SPATA31C2: variants seen among roughly 807,000 people sequenced by gnomAD.
SPATA31C2 encodes the protein SPATA31 subfamily C member 2, also known as spermatogenesis-associated protein 31C2.
In SPATA31C2, 5 loss-of-function variants were observed where a neutral mutation model predicts 11.4. The ratio of observed to expected loss-of-function variants is 0.44; its 90% CI spans 0.23 to 0.92. The LOEUF (loss-of-function observed/expected upper bound fraction) is 0.92. Ranked by LOEUF, SPATA31C2 falls within the 40% of genes least tolerant of loss-of-function variation. The pLI, the probability that SPATA31C2 is intolerant of heterozygous loss-of-function variation, is 0.24. For missense variants in SPATA31C2, 1,353 were observed against 1,368.6 expected, an observed-to-expected ratio of 0.99 and a Z score of 0.18; for synonymous variants, 515 against 538.7, an observed-to-expected ratio of 0.96 and a Z score of 0.61.
chr9:88,136,859 T>C (rs1587691146), intron 1 of SPATA31C2, among the ~76,000 whole-genome samples: 1 of 128,094 alleles, frequency 7.8e-6, no homozygotes, highest in East Asian at 2.5e-4. Flanking sequence ...TTCCATACAC[T>C]ACCACCCCTC....
Position 88,132,016 on chromosome 9 carries a change from G to C in SPATA31C2, c.1021C>G (p.Pro341Ala). The change falls in exon 4 of 4, where the codon CCC becomes GCC. Residue 341 changes from proline (P) to alanine (A), a missense_variant. Transcript: ENST00000324915. ...PESQPFISST[P>A]QFWPTPMAQA... ...GCCATAGGTGTGGGCCAGAATTGGG[G>C]TGTGGATGAAATAAAGGGTTGGGAC... 1 of 1,610,972 alleles carries C rather than the reference G, an allele frequency of 6.2e-7. No individual in the cohort carries two copies. The highest frequency in any genetic ancestry group is 8.5e-7 in the Non-Finnish European group (1 of 1,177,806).
Position 88,132,130 on chromosome 9 carries a change from C to G in SPATA31C2, c.907G>C (p.Val303Leu), listed in dbSNP as rs943866688. The G allele has an allele frequency of 6.2e-7, 1 of 1,610,626 alleles. No homozygotes were observed. Among genetic ancestry groups the G allele is most frequent in the Admixed American group, 1.7e-5 (1 of 59,820 alleles). ...TKTWCVFNSS[V>L]QQDHLSRQRD... ...TGGCGGGAAAGATGATCTTGCTGGA[C>G]TGACGAGTTGAAGACGCACCAGGTT... The change falls in exon 4 of 4, where the codon GTC (valine) becomes CTC (leucine). Residue 303 changes from valine (V) to leucine (L), a missense_variant. Physicochemically the swap from Val to Leu is conservative, Grantham distance 32 (BLOSUM62 1). This residue lies in a region of SPATA31C2 where 1,075 missense variants were observed against 992.8 expected (regional missense o/e 1.08). Coordinates refer to ENST00000324915, the MANE Select transcript of SPATA31C2 (RefSeq NM_001350978.3).
At position 88,133,646 on chromosome 9, in the gene SPATA31C2, T is replaced by A. The variant is rs767734742; in HGVS notation, c.213A>T (p.Pro71=). The part of the protein sequence containing the change: ...KRKRHLVSQR[P]AGRRGRPRGR... The stretch of plus-strand genomic sequence containing the variant: ...CTCTGGGCCTCCCCCTCCGCCCTGC[T>A]GGACGCTGGGAGACAAGATGACGCT... The change falls in exon 2 of 4, where the codon CCA becomes CCT. Residue 71 remains proline, a synonymous_variant. Coordinates refer to ENST00000324915, the MANE Select transcript of SPATA31C2 (RefSeq NM_001350978.3). 3.1e-6 allele frequency: 5 copies of A among 1,594,088 alleles called. No homozygotes were observed. The highest frequency in any genetic ancestry group is 4.3e-6 in the Non-Finnish European group (5 of 1,169,854).
At chr9:88,134,054 C>A (rs1259304809) in intron 1 of SPATA31C2, among the ~76,000 whole-genome samples, 6 of 150,690 alleles carry the variant, frequency 4.0e-5, no homozygotes, top group Non-Finnish European at 7.4e-5. Flanking sequence ...ACTCAGGACG[C>A]TAAGACAGGA....
intron 2 of SPATA31C2, 45 bp downstream of exon 2, chr9:88,133,549 C>T (rs774178950): frequency 6.3e-5 from 98 of 1,564,904 alleles, no homozygotes; most frequent in Admixed American, 1.9e-4. Flanking sequence ...CCCTCCCGGA[C>T]AGATGAGATC....
rs149069834 is a variant in SPATA31C2, at chr9:88,131,411, C to G, written c.1626G>C (p.Ala542=). The G allele has an allele frequency of 6.2e-7, 1 of 1,611,854 alleles. No individual in the cohort carries two copies. The highest frequency in any genetic ancestry group is 1.3e-5 in the African/African-American group (1 of 74,856). The change falls in exon 4 of 4, where the codon GCG becomes GCC. Residue 542 remains alanine (A), a synonymous_variant. Coordinates refer to ENST00000324915, the MANE Select transcript of SPATA31C2 (RefSeq NM_001350978.3). ...MESFPGKVLG[A]TSEESERNLR... is the part of the protein sequence containing the mutation. ...GGTTCCTTTCCGACTCCTCAGAGGT[C>G]GCCCCCAGAACCTTCCCTGGGAAGC...
chr9:88,136,217 G>A (rs1285128046), intron 1 of SPATA31C2, among the ~76,000 whole-genome samples: 1 of 144,932 alleles, frequency 6.9e-6, no homozygotes, highest in African/African-American at 2.7e-5. Flanking sequence ...ACAGGCGTGA[G>A]CCACCGTGCC....
Position 88,130,809 on chromosome 9 carries a change from C to T in SPATA31C2, c.2228G>A (p.Arg743Lys), listed in dbSNP as rs2118705848. The T allele has an allele frequency of 1.2e-6, 2 of 1,612,996 alleles. No individual in the cohort carries two copies. Among genetic ancestry groups the T allele is most frequent in the East Asian group, 2.2e-5 (1 of 44,878 alleles). ...ASSPACKQFQ[R>K]APRGIPSSND... ...CGAAGATGGGATCCCTCGCGGGGCC[C>T]TCTGGAACTGCTTACATGCAGGTGA... is the stretch of plus-strand genomic sequence containing the variant. The change falls in exon 4 of 4, where the codon AGG (arginine) becomes AAG (lysine). Residue 743 changes from arginine to lysine, a missense_variant. Arg to Lys is a conservative substitution (Grantham distance 26, BLOSUM62 2). Transcript: ENST00000324915.
rs780435952 is a variant in SPATA31C2, at chr9:88,129,667, G to T, written c.3370C>A (p.Arg1124Ser). 2 of 1,603,624 alleles carry T rather than the reference G, an allele frequency of 1.2e-6. No homozygotes were observed. Among genetic ancestry groups the T allele is most frequent in the South Asian group, 1.1e-5 (1 of 90,952 alleles). Residue 1124 changes from arginine (R) to serine (S), a missense_variant, in exon 4 of 4, where the codon CGT becomes AGT. Arg to Ser is a moderately radical substitution (Grantham distance 110). Coordinates refer to ENST00000324915, the MANE Select transcript of SPATA31C2 (RefSeq NM_001350978.3). ...SQQATLKNQSRPNRDRQIRDQ is the reference protein window; with the variant it reads ...SQQATLKNQSSPNRDRQIRDQ ...CTGATTTGTCTGTCTCTGTTGGGAC[G>T]ACTCTGGTTCTTGAGAGTGGCTTGT...
rs756430204 is a variant in SPATA31C2, at chr9:88,129,819, C to T, written c.3218G>A (p.Arg1073His). Residue 1073 changes from arginine to histidine, a missense_variant, in exon 4 of 4, where the codon CGC becomes CAC. Transcript: ENST00000324915. ...TTGCTGATTTACCTTCGAGGCATGG[C>T]GCGCATGGCAAAGTGACATGTTCTC... ...LEENMSLCHARHASKVNQQRQ... is the reference protein window; with the variant it reads ...LEENMSLCHAHHASKVNQQRQ... 5.6e-6 allele frequency: 9 copies of T among 1,604,320 alleles called. No individual in the cohort carries two copies. Among genetic ancestry groups the T allele is most frequent in the African/African-American group, 2.7e-5 (2 of 74,664 alleles).
intron 1 of SPATA31C2, among the ~76,000 whole-genome samples, chr9:88,134,482 C>A (rs1825653177): frequency 1.3e-5 from 2 of 150,866 alleles, no homozygotes; most frequent in South Asian, 4.2e-4. Flanking sequence ...CCAGAGACCT[C>A]CCCCGTCTCA....
At chr9:88,133,912 T>G (rs1188332809) in intron 1 of SPATA31C2, among the ~76,000 whole-genome samples, 1 of 152,146 alleles carries the variant, frequency 6.6e-6, no homozygotes, top group Non-Finnish European at 1.5e-5. Flanking sequence ...ATCCCAGCAC[T>G]TTGGGAGGCT....
Position 88,130,708 on chromosome 9 carries a change from G to C in SPATA31C2, c.2329C>G (p.Leu777Val). The C allele has an allele frequency of 6.2e-7, 1 of 1,613,912 alleles. No homozygotes were observed. The change falls in exon 4 of 4, where the codon CTC becomes GTC. Residue 777 changes from leucine (L) to valine (V), a missense_variant. Physicochemically the swap from Leu to Val is conservative, Grantham distance 32. This residue lies in a region of SPATA31C2 where 1,075 missense variants were observed against 992.8 expected (regional missense o/e 1.08). Transcript: ENST00000324915. ...CTGCTCTGCTGGGTGCTGCCTGTGA[G>C]GCTGTATGTGAGGGGCTTAGATGGC... ...RWPSKPLTYS[L>V]TGSTQQSRSL...
intron 1 of SPATA31C2, among the ~76,000 whole-genome samples, chr9:88,135,809 G>A (rs1385740315): frequency 2.1e-5 from 3 of 142,594 alleles, no homozygotes; most frequent in Non-Finnish European, 3.0e-5. Context: ...GAGCCACTGC[G>A]CCCATCCTTC....
chr9:88,133,727 C>G (rs1461793898), intron 1 of SPATA31C2, 58 bp from the exon 2 acceptor site: 36 of 1,465,814 alleles, frequency 2.5e-5, no homozygotes, highest in Non-Finnish European at 3.3e-5. Flanking sequence ...GCCCCCAGCC[C>G]AGCCGCAGCA....
rs748902838 is a variant in SPATA31C2 at position 88,132,513 on chromosome 9, G to A, written c.524C>T (p.Pro175Leu). 1.2e-6 allele frequency: 2 copies of A among 1,610,866 alleles called. No homozygotes were observed. Among genetic ancestry groups the A allele is most frequent in the Admixed American group, 1.7e-5 (1 of 59,832 alleles). ...TGAGGTGGTCATTGGGCCTGGTGGT[G>A]GGGTGGAGGCCAGATCCTGAGGATG... The part of the protein sequence containing the change: ...TKHPQDLAST[P>L]PPGPMTTSVS... Residue 175 changes from proline to leucine, a missense_variant, in exon 4 of 4, where the codon CCA becomes CTA. Physicochemically the swap from Pro to Leu is moderately conservative, Grantham distance 98. This residue lies in a region of SPATA31C2 where 1,075 missense variants were observed against 992.8 expected (regional missense o/e 1.08). Coordinates refer to ENST00000324915, the MANE Select transcript of SPATA31C2 (RefSeq NM_001350978.3).
rs758179940 is a variant in SPATA31C2 at position 88,131,255 on chromosome 9, C to G, written c.1782G>C (p.Val594=). Residue 594 remains valine, a synonymous_variant, in exon 4 of 4, where the codon GTG becomes GTC. Transcript: ENST00000324915. ...CAGCAAGCCAGGATCGACGCACACT[C>G]ACGGGGATCAAGCCCTCGTTGGTCT... ...LGQTNEGLIP[V]SVRRSWLAVN... 6.2e-7 allele frequency: 1 copy of G among 1,611,780 alleles called. No homozygotes were observed. Among genetic ancestry groups the G allele is most frequent in the Non-Finnish European group, 8.5e-7 (1 of 1,179,874 alleles).
intron 1 of SPATA31C2, among the ~76,000 whole-genome samples, chr9:88,134,430 C>T (rs1389911678): frequency 6.6e-6 from 1 of 150,880 alleles, no homozygotes; most frequent in Non-Finnish European, 1.5e-5. Context: ...TGAGCCAGGG[C>T]TCAGGGCCTG....
intron 3 of SPATA31C2, 65 bp from the exon 4 acceptor site, chr9:88,132,775 C>A: frequency 1.3e-6 from 2 of 1,539,134 alleles, no homozygotes; most frequent in Non-Finnish European, 1.7e-6. Flanking sequence ...AGAGTGGGCG[C>A]TTGGGCCACA....
Sources: gnomAD v4.1 joint callset for allele counts (sites outside exome capture counted in the v4.1 genomes callset) on GRCh38, gnomAD v4.1.1 for gene constraint, gnomAD v4.1.1 regional missense constraint, MANE v1.5 for transcripts, NCBI Gene and HGNC (gene_info 2026-07-23, HGNC 2026-07-21) for gene names.